ELAPOR1: variants seen among roughly 807,000 people sequenced by gnomAD.
ELAPOR1 encodes endosome/lysosome-associated apoptosis and autophagy regulator 1.
ELAPOR1 carries 77 observed loss-of-function variants against 119.7 expected under a neutral mutation model. That is an observed-to-expected ratio of 0.64 (90% CI 0.54 to 0.78). The LOEUF (loss-of-function observed/expected upper bound fraction) is 0.78. Among genes scored for constraint, ELAPOR1 ranks in the 30% least tolerant of loss-of-function variants. The pLI is 0.00. For synonymous variants in ELAPOR1, 481 were observed against 487.2 expected (o/e 0.99, Z 0.17); for missense variants, 1,115 against 1,270.4 (o/e 0.88, Z 1.86).
chr1:109,171,938 C>T lies in ELAPOR1; in HGVS notation c.540C>T (p.Ala180=), dbSNP rs1385531000. 3.1e-6 allele frequency: 5 copies of T among 1,614,144 alleles called. No individual in the cohort carries two copies. Among genetic ancestry groups the T allele is most frequent in the East Asian group, 2.2e-5 (1 of 44,890 alleles). ...TDECTATLMY[A]VNLKQSGTVN... is the part of the protein sequence containing the mutation. ...AATGCACAGCCACACTGATGTACGC[C>T]GTCAACCTGAAGCAATCTGGCACCG... Residue 180 remains alanine (A), a synonymous_variant, in exon 4 of 22, where the codon GCC becomes GCT. Transcript: ENST00000369939.
intron 8 of ELAPOR1, 75 bp downstream of exon 8, chr1:109,185,208 G>A: frequency 8.7e-7 from 1 of 1,152,462 alleles, no homozygotes; most frequent in Non-Finnish European, 1.3e-6. Context: ...CCACCATTTG[G>A]AACTTCAGCA....
At chr1:109,197,031 G>A (rs1374900176) in intron 15 of ELAPOR1, among the ~76,000 whole-genome samples, 1 of 151,968 alleles carries the variant, frequency 6.6e-6, no homozygotes, top group Non-Finnish European at 1.5e-5. Flanking sequence ...ACTGGGCACA[G>A]TGGCTCACCC....
In ELAPOR1 at chr1:109,186,807, C is replaced by T. The variant is rs1008539527; in HGVS notation, c.1042-1370C>T. ...CCATTCTCTTCCCTCCCTGGGCTCA[C>T]GCCAAGGCCTTCTGGGTCAGTACCG... On this transcript the variant is annotated intron_variant, in intron 8 of 21. Coordinates refer to ENST00000369939, the MANE Select transcript of ELAPOR1 (RefSeq NM_020775.5). The T allele has an allele frequency of 2.7e-5, 27 of 985,496 alleles. No individual in the cohort carries two copies. The African/African-American group carries it at 4.0e-4, about 15-fold the overall frequency. 61.0% of individuals were successfully genotyped at this position (985,496 alleles called of 1,614,324 possible). A position where few individuals can be genotyped will look rare whatever the true frequency, so the allele number is the denominator to read the frequency against.
At position 109,164,232 on chromosome 1, in the gene ELAPOR1, A is replaced by C. The variant is rs76932919; in HGVS notation, c.275-267A>C. 8.7e-3 allele frequency among the ~76,000 whole-genome samples: 1,320 copies of C among 152,226 alleles called. 14 individuals are homozygous for C. Among genetic ancestry groups the C allele is most frequent in the African/African-American group, 0.029 (1,215 of 41,526 alleles). On this transcript the variant is annotated intron_variant, in intron 2 of 21. Transcript: ENST00000369939. ...CTCCCCACAGCCCCTGGCAACCACA[A>C]ATCTACTTTCTGTCTCTATGGCTTC...
At position 109,172,538 on chromosome 1, in the gene ELAPOR1, G is replaced by C; in HGVS notation, c.666G>C (p.Lys222Asn). The C allele has an allele frequency of 6.2e-7, 1 of 1,613,776 alleles. No individual in the cohort carries two copies. The highest frequency in any genetic ancestry group is 8.5e-7 in the Non-Finnish European group (1 of 1,179,742). Residue 222 changes from lysine to asparagine, a missense_variant, in exon 5 of 22, where the codon AAG (lysine) becomes AAC (asparagine). Coordinates refer to ENST00000369939, the MANE Select transcript of ELAPOR1 (RefSeq NM_020775.5). ...ATGCAGATGACTCCAGGTGGATGAA[G>C]ACCACAGAGAAAGGATGGGAATTCC... The part of the protein sequence containing the change: ...QPNADDSRWM[K>N]TTEKGWEFHS...
At chr1:109,163,114 G>C (rs889505109) in intron 2 of ELAPOR1, among the ~76,000 whole-genome samples, 1 of 152,202 alleles carries the variant, frequency 6.6e-6, no homozygotes, top group Non-Finnish European at 1.5e-5. Flanking sequence ...GAATATTTAG[G>C]GATCAGGCAT....
Position 109,162,007 on chromosome 1 carries a change from C to A in ELAPOR1, c.267C>A (p.Thr89=). The change falls in exon 2 of 22, where the codon ACC becomes ACA. Residue 89 remains threonine, a synonymous_variant. Coordinates refer to ENST00000369939, the MANE Select transcript of ELAPOR1 (RefSeq NM_020775.5). ...CTSLPDPIKG[T]ECSFSCNAGE... The stretch of plus-strand genomic sequence containing the variant: ...GCCTGCCTGACCCCATCAAGGGCAC[C>A]GAGTGCTGTAAGCAGCTATCCTGCT... 6.2e-7 allele frequency: 1 copy of A among 1,611,878 alleles called. No individual in the cohort carries two copies. The highest frequency in any genetic ancestry group is 8.5e-7 in the Non-Finnish European group (1 of 1,178,328).
rs1425473179 is a variant in ELAPOR1 at position 109,188,230 on chromosome 1, G to C, written c.1095G>C (p.Glu365Asp). 3 of 1,613,942 alleles carry C rather than the reference G, an allele frequency of 1.9e-6. No individual in the cohort carries two copies. Among genetic ancestry groups the C allele is most frequent in the Admixed American group, 1.7e-5 (1 of 60,018 alleles). ...AKPKICSEDL[E>D]GAVKLPASGV... ...CGAAAATCTGTAGCGAGGACCTTGA[G>C]GGGGCAGTGAAGCTGCCTGCCTCTG... The change falls in exon 9 of 22, where the codon GAG (glutamate) becomes GAC (aspartate). Residue 365 changes from glutamate (E) to aspartate (D), a missense_variant. Physicochemically the swap from Glu to Asp is conservative, Grantham distance 45. Transcript: ENST00000369939.
chr1:109,173,438 C>T, intron 5 of ELAPOR1, 36 bp from the exon 6 acceptor site: 1 of 1,568,520 alleles, frequency 6.4e-7, no homozygotes, highest in South Asian at 1.1e-5. Context: ...AGATTTTTCT[C>T]TGTGATGAAT....
Position 109,203,072 on chromosome 1 carries a change from C to A in ELAPOR1, c.*60C>A. The stretch of plus-strand genomic sequence containing the variant: ...GCATAGCACCTTTGCAAGCCTGCGG[C>A]GATTTGGGTGCCAGCATCCTGCAAC... On this transcript the variant is annotated 3_prime_UTR_variant, in exon 22 of 22. Coordinates refer to ENST00000369939, the MANE Select transcript of ELAPOR1 (RefSeq NM_020775.5). 1 of 1,183,926 alleles carries A rather than the reference C, an allele frequency of 8.4e-7. No individual in the cohort carries two copies. The highest frequency in any genetic ancestry group is 1.2e-6 in the Non-Finnish European group (1 of 805,006). 73.3% of individuals were successfully genotyped at this position (1,183,926 alleles called of 1,614,324 possible).
intron 15 of ELAPOR1, among the ~76,000 whole-genome samples, chr1:109,197,268 T>C (rs776718772): frequency 1.3e-5 from 2 of 151,952 alleles, no homozygotes; most frequent in African/African-American, 2.4e-5. Context: ...GCCCGGGCAA[T>C]AGATCAAGAC....
rs544758480 is a variant in ELAPOR1, at chr1:109,153,682, C to T, written c.154-8212C>T. On this transcript the variant is annotated intron_variant, in intron 1 of 21. Coordinates refer to ENST00000369939, the MANE Select transcript of ELAPOR1 (RefSeq NM_020775.5). Reference sequence around the variant, plus strand: ...TGAGACAGAGTCTCGCTCTGTTGCCCAGGCTGGAGTGCAATGGTGCGGTCT... The same window carrying T: ...TGAGACAGAGTCTCGCTCTGTTGCCTAGGCTGGAGTGCAATGGTGCGGTCT... Among the ~76,000 whole-genome samples the T allele has an allele frequency of 4.6e-5, 7 of 151,986 alleles. No homozygotes were observed. The East Asian group carries it at 1.4e-3, about 30-fold the overall frequency.
rs1653178616 is a variant in ELAPOR1 at position 109,188,198 on chromosome 1, G to C, written c.1063G>C (p.Ala355Pro). 6.2e-7 allele frequency: 1 copy of C among 1,611,396 alleles called. No homozygotes were observed. The highest frequency in any genetic ancestry group is 8.5e-7 in the Non-Finnish European group (1 of 1,177,952). Residue 355 changes from alanine (A) to proline (P), a missense_variant, in exon 9 of 22, where the codon GCC becomes CCC. Physicochemically the swap from Ala to Pro is conservative, Grantham distance 27. Coordinates refer to ENST00000369939, the MANE Select transcript of ELAPOR1 (RefSeq NM_020775.5). ...GCAGACACAACTCATGTACAAATGG[G>C]CCAAGCCGAAAATCTGTAGCGAGGA... is the stretch of plus-strand genomic sequence containing the variant. ...NGETQLMYKW[A>P]KPKICSEDLE...
chr1:109,152,061 G>A (rs887726672), intron 1 of ELAPOR1, among the ~76,000 whole-genome samples: 3 of 151,992 alleles, frequency 2.0e-5, no homozygotes, highest in African/African-American at 7.2e-5. Context: ...TTTTTGTAGA[G>A]CAGGGTTTTG....
At chr1:109,131,415 G>A (rs563103428) in intron 1 of ELAPOR1, among the ~76,000 whole-genome samples, 3 of 152,254 alleles carry the variant, frequency 2.0e-5, no homozygotes, top group African/African-American at 7.2e-5. Flanking sequence ...CTGTTGAAAG[G>A]AGAACCACAC....
chr1:109,191,620 TAAC>T (rs1653442666), intron 12 of ELAPOR1, 103 bp from the exon 13 acceptor site: 1 of 1,494,354 alleles, frequency 6.7e-7, no homozygotes, highest in Non-Finnish European at 9.2e-7. Context: ...CTTCACAGTT[TAAC>T]AAGGGTCTCA....
intron 1 of ELAPOR1, among the ~76,000 whole-genome samples, chr1:109,144,053 A>ATTTTTTT (rs869275387): frequency 5.6e-5 from 5 of 89,792 alleles, no homozygotes; most frequent in African/African-American, 2.7e-4. Flanking sequence ...ATATATATAT[A>ATTTTTTT]TTTATATATT....
intron 7 of ELAPOR1, among the ~76,000 whole-genome samples, chr1:109,184,751 T>G (rs1473119021): frequency 1.3e-5 from 2 of 152,192 alleles, no homozygotes; most frequent in Non-Finnish European, 2.9e-5. Flanking sequence ...TTGCTGGTCC[T>G]TTGGCCAGGC....
intron 8 of ELAPOR1, chr1:109,187,534 G>T: frequency 2.0e-6 from 2 of 1,001,336 alleles, no homozygotes; most frequent in Non-Finnish European, 2.4e-6. Context: ...GTTTTTGTCT[G>T]TGACTCGATC....
Sources: allele counts gnomAD v4.1 joint callset (sites outside exome capture counted in the v4.1 genomes callset), GRCh38; gene constraint gnomAD v4.1.1; transcripts MANE v1.5; gene names NCBI Gene and HGNC (gene_info 2026-07-23, HGNC 2026-07-21).